BASP1: variants seen among roughly 807,000 people sequenced by gnomAD.
BASP1 encodes brain acid soluble protein 1.
A neutral mutation model predicts 2.2 loss-of-function variants in BASP1; 1 was observed. That is an observed-to-expected ratio of 0.46 (90% CI 0.16 to 2.17). The LOEUF is 2.17. Among genes scored for constraint, BASP1 ranks in the 30% most tolerant of loss-of-function variants. The probability of loss-of-function intolerance (pLI) is 0.27; values close to 1 mark genes in which losing one functional copy is unlikely to be tolerated. For synonymous variants in BASP1, 187 were observed against 154.2 expected, an observed-to-expected ratio of 1.21 and a Z score of -1.58; for missense variants, 352 against 327.2, an observed-to-expected ratio of 1.08 and a Z score of -0.58.
chr5:17,263,215 C>T (rs1740352825), intron 1 of BASP1, among the ~76,000 whole-genome samples: 1 of 151,968 alleles, frequency 6.6e-6, no homozygotes, highest in African/African-American at 2.4e-5. Context: ...TGGATGTTGA[C>T]TTTTACAAAT....
At chr5:17,222,013 C>T (rs1290585816) in intron 1 of BASP1, among the ~76,000 whole-genome samples, 1 of 151,994 alleles carries the variant, frequency 6.6e-6, no homozygotes, top group East Asian at 1.9e-4. Context: ...ATCAATTACA[C>T]TGAAAGTGTT....
chr5:17,263,258 A>G (rs886698542), intron 1 of BASP1, among the ~76,000 whole-genome samples: 3 of 152,020 alleles, frequency 2.0e-5, no homozygotes, highest in Non-Finnish European at 2.9e-5. Flanking sequence ...GTGTATCTTT[A>G]TGGGGTACAA....
chr5:17,230,374 A>T (rs186048172), intron 1 of BASP1, among the ~76,000 whole-genome samples: 8 of 152,128 alleles, frequency 5.3e-5, no homozygotes, highest in African/African-American at 1.9e-4. Context: ...CACCGAGGAA[A>T]GGGAAGTGTG....
Position 17,275,959 on chromosome 5 carries a change from C to CTCTCTCTA in BASP1, c.*66_*67insATCTCTCT. 7.1e-7 allele frequency: 1 copy of CTCTCTCTA among 1,399,482 alleles called. No individual in the cohort carries two copies. Among genetic ancestry groups the CTCTCTCTA allele is most frequent in the Non-Finnish European group, 9.5e-7 (1 of 1,049,864 alleles). The allele number at this position is 1,399,482 out of a possible 1,614,324, so 86.7% of individuals were successfully genotyped here. ...AAAACAATCTCCTCTCTCTCTCTCT[C>CTCTCTCTA]TCTCTCTCTCTATCTCTCTCTCTAT... On this transcript the variant is annotated 3_prime_UTR_variant, in exon 2 of 2. Transcript: ENST00000322611. The surrounding 1 kb of genome is among the most constrained non-coding windows in gnomAD (Gnocchi z 5.3).
chr5:17,232,230 A>G (rs962338604), intron 1 of BASP1, among the ~76,000 whole-genome samples: 1 of 152,224 alleles, frequency 6.6e-6, no homozygotes, highest in African/African-American at 2.4e-5. Flanking sequence ...CAACACGATG[A>G]GTGAAAGCTG....
intron 1 of BASP1, among the ~76,000 whole-genome samples, chr5:17,272,397 C>T (rs1740547383): frequency 6.6e-6 from 1 of 152,144 alleles, no homozygotes; most frequent in South Asian, 2.1e-4. Context: ...GGCCTTTGCT[C>T]ATAGTACAGC....
At position 17,274,809 on chromosome 5, in the gene BASP1, A is replaced by G. The variant is rs564074806; in HGVS notation, c.-9-399A>G. On this transcript the variant is annotated intron_variant, in intron 1 of 1. Coordinates refer to ENST00000322611, the MANE Select transcript of BASP1 (RefSeq NM_006317.5). The stretch of plus-strand genomic sequence containing the variant: ...AGAACTCACTTAATTGAGCTCCTTA[A>G]TGTTTTTGATTCTTTTTAAAATTTT... Among the ~76,000 whole-genome samples, 3 of 152,314 alleles carry G rather than the reference A, an allele frequency of 2.0e-5. No individual in the cohort carries two copies. The East Asian group carries it at 5.8e-4, about 29-fold the overall frequency.
At position 17,275,564 on chromosome 5, in the gene BASP1, C is replaced by T. The variant is rs1463670418; in HGVS notation, c.348C>T (p.Gly116=). 4.3e-6 allele frequency: 6 copies of T among 1,392,856 alleles called. No homozygotes were observed. Among genetic ancestry groups the T allele is most frequent in the Admixed American group, 3.7e-5 (1 of 26,892 alleles). The allele number at this position is 1,392,856 out of a possible 1,614,324, so 86.3% of individuals were successfully genotyped here. The change falls in exon 2 of 2, where the codon GGC becomes GGT. Residue 116 remains glycine (G), a synonymous_variant. Coordinates refer to ENST00000322611, the MANE Select transcript of BASP1 (RefSeq NM_006317.5). This position sits in a 1 kb window ranked among gnomAD's most constrained non-coding sequence, Gnocchi z 5.3. ...AGGCGGCCCCCGGCCCCGCTGCGGGCGGCGAGGCCCCCAAAGCTGCTGAGG... is the reference window on the plus strand; with the variant it reads ...AGGCGGCCCCCGGCCCCGCTGCGGGTGGCGAGGCCCCCAAAGCTGCTGAGG... ...QEQAAPGPAA[G]GEAPKAAEAA...
intron 1 of BASP1, among the ~76,000 whole-genome samples, chr5:17,263,731 G>T (rs1290190008): frequency 6.6e-6 from 1 of 152,142 alleles, no homozygotes; most frequent in Non-Finnish European, 1.5e-5. Context: ...TGTGTACTTT[G>T]TTCCCTCAAG....
chr5:17,271,084 C>A (rs1740520659), intron 1 of BASP1, among the ~76,000 whole-genome samples: 2 of 152,108 alleles, frequency 1.3e-5, no homozygotes, highest in African/African-American at 4.8e-5. Flanking sequence ...TCATTTTCGC[C>A]CTTGTGGCAT....
chr5:17,219,656 C>T (rs921225705), intron 1 of BASP1, among the ~76,000 whole-genome samples: 1 of 152,140 alleles, frequency 6.6e-6, no homozygotes, highest in Non-Finnish European at 1.5e-5. Flanking sequence ...GTGGGCGTTG[C>T]CTCCAGTGAC....
intron 1 of BASP1, among the ~76,000 whole-genome samples, chr5:17,246,551 C>T (rs192283420): frequency 9.9e-5 from 15 of 152,006 alleles, no homozygotes; most frequent in East Asian, 9.7e-4. Flanking sequence ...GTGGCCGCCC[C>T]GAAAACTGGC....
chr5:17,257,811 G>A (rs1300490608), intron 1 of BASP1, among the ~76,000 whole-genome samples: 1 of 152,182 alleles, frequency 6.6e-6, no homozygotes, highest in Non-Finnish European at 1.5e-5. Context: ...TCTGAAAACA[G>A]TATTGTCTCA....
At chr5:17,226,931 C>CTTTTTT (rs5866244) in intron 1 of BASP1, among the ~76,000 whole-genome samples, 3 of 144,732 alleles carry the variant, frequency 2.1e-5, no homozygotes, top group African/African-American at 2.6e-5. Flanking sequence ...ACTCATTTTT[C>CTTTTTT]TTTTTTTTTT....
intron 1 of BASP1, among the ~76,000 whole-genome samples, chr5:17,233,579 C>T (rs1467311076): frequency 6.6e-6 from 1 of 152,140 alleles, no homozygotes; most frequent in Non-Finnish European, 1.5e-5. Context: ...CACCATACTG[C>T]CTCCTGGTTT....
Position 17,274,991 on chromosome 5 carries a change from G to A in BASP1, c.-9-217G>A, listed in dbSNP as rs142475783. On this transcript the variant is annotated intron_variant, in intron 1 of 1. Coordinates refer to ENST00000322611, the MANE Select transcript of BASP1 (RefSeq NM_006317.5). Reference sequence around the variant, plus strand: ...CTGCAGTGAGAAGAGATCTCACCACGGCATTCCAGCCTGGGTAACATAGCG... The same window carrying A: ...CTGCAGTGAGAAGAGATCTCACCACAGCATTCCAGCCTGGGTAACATAGCG... Among the ~76,000 whole-genome samples the A allele has an allele frequency of 3.3e-5, 5 of 152,092 alleles. No homozygotes were observed. In the South Asian group the frequency reaches 1.0e-3, roughly 32 times the overall value.
intron 1 of BASP1, among the ~76,000 whole-genome samples, chr5:17,271,018 C>T (rs1414017003): frequency 6.6e-6 from 1 of 152,150 alleles, no homozygotes; most frequent in African/African-American, 2.4e-5. Context: ...AGTGAAATTC[C>T]TCTCTCTACT....
chr5:17,242,592 G>A (rs575563823), intron 1 of BASP1, among the ~76,000 whole-genome samples: 1 of 152,204 alleles, frequency 6.6e-6, no homozygotes, highest in East Asian at 1.9e-4. Flanking sequence ...TCTCCAATTA[G>A]AGTAGCATAA....
chr5:17,240,636 T>G (rs973878988), intron 1 of BASP1: 1 of 152,216 alleles, frequency 6.6e-6, no homozygotes, highest in Non-Finnish European at 1.5e-5. Flanking sequence ...GCACATATAC[T>G]AAAATTGGAA....
Sources: gnomAD v4.1 joint callset for allele counts (sites outside exome capture counted in the v4.1 genomes callset) on GRCh38, gnomAD v4.1.1 for gene constraint, Gnocchi (gnomAD v3.1) non-coding constraint, MANE v1.5 for transcripts, NCBI Gene and HGNC (gene_info 2026-07-23, HGNC 2026-07-21) for gene names.